The following NLGN1 variants were observed in gnomAD, a reference collection of about 807,000 sequenced individuals.
NLGN1 encodes neuroligin 1, also known as neuroligin-1.
In NLGN1, 12 loss-of-function variants were observed where a neutral mutation model predicts 65.5. The ratio of observed to expected loss-of-function variants is 0.18; its 90% CI spans 0.12 to 0.30. The LOEUF is 0.30. Ranked by LOEUF, NLGN1 falls within the 10% of genes least tolerant of loss-of-function variation. NLGN1 has a pLI of 1.00. For synonymous variants in NLGN1, 350 were observed against 359.5 expected (o/e 0.97, Z 0.30); for missense variants, 750 against 1,007.1 (o/e 0.74, Z 3.46).
intron 4 of NLGN1, among the ~76,000 whole-genome samples, chr3:173,993,120 T>C (rs1156271555): frequency 6.6e-6 from 1 of 152,216 alleles, no homozygotes. Context: ...TTCATTATTT[T>C]TTTATGTCAC....
intron 2 of NLGN1, among the ~76,000 whole-genome samples, chr3:173,564,881 A>T (rs1743368678): frequency 6.6e-6 from 1 of 152,234 alleles, no homozygotes; most frequent in Non-Finnish European, 1.5e-5. Context: ...GGAATTCATA[A>T]GGAAAATGTA....
At chr3:173,617,888 A>G (rs913097029) in intron 3 of NLGN1, among the ~76,000 whole-genome samples, 7 of 151,504 alleles carry the variant, frequency 4.6e-5, no homozygotes, top group South Asian at 2.1e-4. Flanking sequence ...TTCAACCCCA[A>G]TTTCCCTCCC....
intron 4 of NLGN1, among the ~76,000 whole-genome samples, chr3:174,007,747 A>C: frequency 6.6e-6 from 1 of 152,226 alleles, no homozygotes; most frequent in Middle Eastern, 3.4e-3. Context: ...AATACTGTAA[A>C]CCTTAGCAGG....
At chr3:173,435,159 A>G (rs1717882345) in intron 2 of NLGN1, 1 of 152,614 alleles carries the variant, frequency 6.6e-6, no homozygotes, top group African/African-American at 2.4e-5. Flanking sequence ...GCAAAACAGC[A>G]ATTCTGTTTC....
chr3:173,411,009 G>A (rs1280559461), intron 1 of NLGN1, among the ~76,000 whole-genome samples: 1 of 152,222 alleles, frequency 6.6e-6, no homozygotes, highest in East Asian at 1.9e-4. Flanking sequence ...GTTCTTCACA[G>A]TTACAGCTCC....
At chr3:173,485,935 TTTTTG>T (rs1213446188) in intron 2 of NLGN1, among the ~76,000 whole-genome samples, 1 of 152,204 alleles carries the variant, frequency 6.6e-6, no homozygotes, top group Non-Finnish European at 1.5e-5. Flanking sequence ...AGGTCTTATC[TTTTTG>T]TTTTGTTTTT....
chr3:174,054,498 T>G (rs977534991), intron 4 of NLGN1, among the ~76,000 whole-genome samples: 1 of 152,022 alleles, frequency 6.6e-6, no homozygotes, highest in African/African-American at 2.4e-5. Flanking sequence ...TGATCCTCTC[T>G]TTATTCTCTA....
chr3:173,523,126 T>C (rs1367393260), intron 2 of NLGN1, among the ~76,000 whole-genome samples: 1 of 101,112 alleles, frequency 9.9e-6, no homozygotes, highest in Non-Finnish European at 2.0e-5. Flanking sequence ...TGAGGTTATT[T>C]GTTTTTGTTG....
intron 2 of NLGN1, among the ~76,000 whole-genome samples, chr3:173,575,544 A>G (rs981326715): frequency 1.3e-5 from 2 of 152,172 alleles, no homozygotes; most frequent in African/African-American, 4.8e-5. Flanking sequence ...CTATGAAGCA[A>G]TTGGAGCTGA....
At chr3:173,975,235 G>T (rs989700133) in intron 4 of NLGN1, among the ~76,000 whole-genome samples, 1 of 151,922 alleles carries the variant, frequency 6.6e-6, no homozygotes, top group Non-Finnish European at 1.5e-5. Flanking sequence ...GGGGCTTCAG[G>T]GAAAATAGGG....
At chr3:173,590,261 C>G (rs960706295) in intron 2 of NLGN1, among the ~76,000 whole-genome samples, 1 of 152,050 alleles carries the variant, frequency 6.6e-6, no homozygotes. Flanking sequence ...ACTTACTGTC[C>G]AACACTTTAC....
At chr3:173,745,399 T>C (rs981754444) in intron 3 of NLGN1, among the ~76,000 whole-genome samples, 2 of 152,164 alleles carry the variant, frequency 1.3e-5, no homozygotes, top group Non-Finnish European at 2.9e-5. Flanking sequence ...TGCATCAGCA[T>C]TAAGCAATTT....
At chr3:174,091,427 T>A (rs970841103) in intron 4 of NLGN1, among the ~76,000 whole-genome samples, 7 of 152,214 alleles carry the variant, frequency 4.6e-5, no homozygotes, top group African/African-American at 1.7e-4. Flanking sequence ...AATAATAGGC[T>A]TGCCTTCAAA....
At chr3:174,017,682 C>G (rs1436799322) in intron 4 of NLGN1, among the ~76,000 whole-genome samples, 1 of 151,996 alleles carries the variant, frequency 6.6e-6, no homozygotes, top group African/African-American at 2.4e-5. Context: ...GTGATGCCCC[C>G]GTCAAGCCGC....
chr3:174,042,879 C>T (rs764243575), intron 4 of NLGN1, among the ~76,000 whole-genome samples: 1 of 152,076 alleles, frequency 6.6e-6, no homozygotes, highest in African/African-American at 2.4e-5. Context: ...TGCTATGATG[C>T]CCTGTATTAG....
chr3:174,169,876 C>G (rs1210809468), intron 4 of NLGN1, among the ~76,000 whole-genome samples: 1 of 152,136 alleles, frequency 6.6e-6, no homozygotes, highest in Admixed American at 6.5e-5. Context: ...GTGTCTTTCC[C>G]TCACAGCATT....
At chr3:174,044,849 A>C (rs941065018) in intron 4 of NLGN1, among the ~76,000 whole-genome samples, 3 of 152,058 alleles carry the variant, frequency 2.0e-5, no homozygotes, top group African/African-American at 7.2e-5. Flanking sequence ...TTCTCATGAT[A>C]GTGAATTCTC....
chr3:173,437,447 TA>T (rs1203627024), intron 2 of NLGN1, among the ~76,000 whole-genome samples: 1 of 152,282 alleles, frequency 6.6e-6, no homozygotes, highest in East Asian at 1.9e-4. Context: ...GCAGCTGCAA[TA>T]AAACATGCAT....
chr3:173,940,854 G>T (rs1057257223), intron 4 of NLGN1, among the ~76,000 whole-genome samples: 5 of 152,084 alleles, frequency 3.3e-5, no homozygotes, highest in Non-Finnish European at 5.9e-5. Context: ...ACTGCTTATT[G>T]TTATAAATTT....
Sources: gnomAD v4.1 joint callset for allele counts (sites outside exome capture counted in the v4.1 genomes callset) on GRCh38, gnomAD v4.1.1 for gene constraint, MANE v1.5 for transcripts, NCBI Gene and HGNC (gene_info 2026-07-23, HGNC 2026-07-21) for gene names.